Variants in IQCK observed in about 807,000 individuals in gnomAD.
IQCK encodes the protein IQ domain-containing protein K.
Under a neutral mutation model 28.1 loss-of-function variants are expected in IQCK, and 29 were observed. The observed-to-expected ratio is 1.03, with a 90% CI of 0.77 to 1.41. The LOEUF (loss-of-function observed/expected upper bound fraction) is 1.41. Ranked by LOEUF, IQCK falls within the 40% of genes most tolerant of loss-of-function variation. The pLI, the probability that IQCK is intolerant of heterozygous loss-of-function variation, is 0.00. For missense variants in IQCK, 359 were observed against 314.7 expected (o/e 1.14, Z -1.07); for synonymous variants, 113 against 115.1 (o/e 0.98, Z 0.12).
chr16:19,765,708 A>G (rs1166205923), intron 6 of IQCK, among the ~76,000 whole-genome samples: 1 of 152,154 alleles, frequency 6.6e-6, no homozygotes, highest in African/African-American at 2.4e-5. Flanking sequence ...ACACATTGAA[A>G]GGAGAGAAAC....
At chr16:19,826,569 G>A (rs2056151839) in intron 7 of IQCK, among the ~76,000 whole-genome samples, 1 of 151,954 alleles carries the variant, frequency 6.6e-6, no homozygotes, top group African/African-American at 2.4e-5. Context: ...GTAGAGAGGG[G>A]GTTTCACCAT....
At chr16:19,839,286 G>A (rs950312150) in intron 9 of IQCK, among the ~76,000 whole-genome samples, 2 of 151,508 alleles carry the variant, frequency 1.3e-5, no homozygotes, top group East Asian at 2.0e-4. Context: ...TCAGCCTCCC[G>A]AGTAGCTGGG....
chr16:19,820,882 A>G (rs1235831478), intron 7 of IQCK, among the ~76,000 whole-genome samples: 3 of 152,350 alleles, frequency 2.0e-5, no homozygotes, highest in Non-Finnish European at 4.4e-5. Flanking sequence ...GGGAGAAAAA[A>G]GTAAACAAAT....
intron 1 of IQCK, among the ~76,000 whole-genome samples, chr16:19,729,945 A>G (rs1463860310): frequency 7.0e-6 from 1 of 142,462 alleles, no homozygotes; most frequent in Non-Finnish European, 1.5e-5. Context: ...CGCCCGGCCT[A>G]TTTTATTTTA....
At chr16:19,820,416 G>A (rs1465700758) in intron 7 of IQCK, among the ~76,000 whole-genome samples, 1 of 152,112 alleles carries the variant, frequency 6.6e-6, no homozygotes, top group African/African-American at 2.4e-5. Context: ...TTGGGAGGCC[G>A]AGGCGGGTGG....
intron 6 of IQCK, among the ~76,000 whole-genome samples, chr16:19,770,381 A>G (rs1338258826): frequency 1.3e-5 from 2 of 152,166 alleles, no homozygotes; most frequent in East Asian, 1.9e-4. Context: ...AAACAACACA[A>G]ATTTATTACT....
At chr16:19,833,800 C>T (rs925060385) in intron 9 of IQCK, among the ~76,000 whole-genome samples, 11 of 152,112 alleles carry the variant, frequency 7.2e-5, no homozygotes, top group Non-Finnish European at 1.6e-4. Flanking sequence ...CTGCTTGTGA[C>T]CTTAGGATTT....
At chr16:19,814,221 A>C (rs2055947157) in intron 7 of IQCK, among the ~76,000 whole-genome samples, 1 of 95,336 alleles carries the variant, frequency 1.0e-5, no homozygotes, top group East Asian at 2.2e-4. Flanking sequence ...ACTCTATCTC[A>C]AAAAAAAAAA....
At chr16:19,721,296 C>T (rs1176197049) in intron 1 of IQCK, among the ~76,000 whole-genome samples, 2 of 152,142 alleles carry the variant, frequency 1.3e-5, no homozygotes, top group Admixed American at 6.6e-5. Context: ...TTCATGAAGA[C>T]AAAATACAAA....
chr16:19,812,662 T>G (rs965531637), intron 7 of IQCK, among the ~76,000 whole-genome samples: 3 of 151,942 alleles, frequency 2.0e-5, no homozygotes, highest in Non-Finnish European at 4.4e-5. Context: ...AGTTATGAGC[T>G]CATAATAAAA....
At position 19,810,838 on chromosome 16, in the gene IQCK, A is replaced by G. The variant is rs140137915; in HGVS notation, c.691-16188A>G. 5.9e-5 allele frequency among the ~76,000 whole-genome samples: 9 copies of G among 152,098 alleles called. No homozygotes were observed. The East Asian group carries it at 1.4e-3, about 23-fold the overall frequency. On this transcript the variant is annotated intron_variant, in intron 7 of 7. Coordinates refer to ENST00000564186, the Ensembl canonical transcript of IQCK. ...AAAAAGAAAGAAAATGGGGATGGCA[A>G]TAGTTTCTAATTTGTATGGTTGTTC... is the stretch of plus-strand genomic sequence containing the variant.
At position 19,718,499 on chromosome 16, in the gene IQCK, G is replaced by A. The variant is rs1977334924; in HGVS notation, c.181+12G>A. The A allele has an allele frequency of 6.3e-7, 1 of 1,587,046 alleles. No homozygotes were observed. Reference sequence around the variant, plus strand: ...GCAGATCTGCAAGGGTAGGAAACCTGGGCTGGCCGAGAGGGGCGGGACCCG... The same window carrying A: ...GCAGATCTGCAAGGGTAGGAAACCTAGGCTGGCCGAGAGGGGCGGGACCCG... On this transcript the variant is annotated intron_variant, in intron 1 of 7. Coordinates refer to ENST00000564186, the Ensembl canonical transcript of IQCK.
intron 6 of IQCK, among the ~76,000 whole-genome samples, chr16:19,781,998 C>CA (rs2055492088): frequency 6.7e-6 from 1 of 149,328 alleles, no homozygotes; most frequent in South Asian, 2.1e-4. Context: ...AAAACAACAA[C>CA]AAAAAAGAAT....
intron 7 of IQCK, among the ~76,000 whole-genome samples, chr16:19,822,172 G>A (rs766286332): frequency 6.6e-5 from 10 of 150,940 alleles, no homozygotes; most frequent in South Asian, 2.1e-4. Flanking sequence ...CAGATCACAC[G>A]GTCAGGGGTT....
chr16:19,781,534 G>A (rs2151726950), intron 6 of IQCK, among the ~76,000 whole-genome samples: 1 of 152,296 alleles, frequency 6.6e-6, no homozygotes, highest in African/African-American at 2.4e-5. Flanking sequence ...AGAGAGTAAA[G>A]CTCTGCAGGT....
At chr16:19,775,220 CTG>C (rs1191007980) in intron 6 of IQCK, among the ~76,000 whole-genome samples, 1 of 134,024 alleles carries the variant, frequency 7.5e-6, no homozygotes, top group Non-Finnish European at 1.5e-5. Context: ...GGGTGAGACT[CTG>C]TATCAAAAAA....
At chr16:19,736,890 A>G (rs1024698182) in intron 4 of IQCK, among the ~76,000 whole-genome samples, 2 of 151,824 alleles carry the variant, frequency 1.3e-5, no homozygotes, top group East Asian at 1.9e-4. Context: ...GCTCATGCCC[A>G]TAATCCCAGC....
rs142585896 is a variant in IQCK, at chr16:19,818,107, C to T, written c.691-8919C>T. ...CTTGTTTGCCTCCTCCCCTGCCCTTCGCCTCTAGGAGGGTTTGGGTTGCTG... is the reference window on the plus strand; with the variant it reads ...CTTGTTTGCCTCCTCCCCTGCCCTTTGCCTCTAGGAGGGTTTGGGTTGCTG... On this transcript the variant is annotated intron_variant, in intron 7 of 7. Transcript: ENST00000564186. Among the ~76,000 whole-genome samples the T allele has an allele frequency of 3.7e-3, 561 of 152,268 alleles. 2 individuals are homozygous for T. The highest frequency in any genetic ancestry group is 0.012 in the African/African-American group (516 of 41,560).
intron 7 of IQCK, among the ~76,000 whole-genome samples, chr16:19,817,158 C>T (rs751295150): frequency 4.0e-5 from 6 of 151,850 alleles, no homozygotes; most frequent in Non-Finnish European, 8.8e-5. Flanking sequence ...TTTATGTTCC[C>T]GTCTTGAAGG....
Sources: gnomAD v4.1 joint callset for allele counts (sites outside exome capture counted in the v4.1 genomes callset) on GRCh38, gnomAD v4.1.1 for gene constraint, MANE v1.5 for transcripts, NCBI Gene and HGNC (gene_info 2026-07-23, HGNC 2026-07-21) for gene names.